MAPK8IP3: variants seen among roughly 807,000 people sequenced by gnomAD.
The protein encoded by MAPK8IP3 is mitogen-activated protein kinase 8 interacting protein 3.
A neutral mutation model predicts 157.8 loss-of-function variants in MAPK8IP3; 49 were observed. The observed-to-expected ratio is 0.31, with a 90% CI of 0.25 to 0.39. The LOEUF is 0.39. MAPK8IP3 is among the 10% of genes least tolerant of loss of function. The pLI, the probability that MAPK8IP3 is intolerant of heterozygous loss-of-function variation, is 1.00. For missense variants in MAPK8IP3, 1,478 were observed against 1,889.4 expected (o/e 0.78, Z 4.04); for synonymous variants, 897 against 777.7 (o/e 1.15, Z -2.55).
At chr16:1,750,627 C>G (rs2041235031) in intron 8 of MAPK8IP3, among the ~76,000 whole-genome samples, 1 of 150,842 alleles carries the variant, frequency 6.6e-6, no homozygotes, top group Non-Finnish European at 1.5e-5. Context: ...CCAGAGGGAA[C>G]CTCCCCACCA....
At chr16:1,760,677 A>C in intron 12 of MAPK8IP3, 145 bp downstream of exon 12, 2 of 1,025,142 alleles carry the variant, frequency 2.0e-6, no homozygotes, top group Non-Finnish European at 2.7e-6. Context: ...CAGCCACTCC[A>C]CCCCAACCAG....
At chr16:1,744,564 G>C in intron 5 of MAPK8IP3, 4 of 985,662 alleles carry the variant, frequency 4.1e-6, no homozygotes, top group Non-Finnish European at 4.8e-6. Context: ...TCTGGGCCCA[G>C]CCCTGCCACC....
At position 1,762,659 on chromosome 16, in the gene MAPK8IP3, G is replaced by A. The variant is rs201915207; in HGVS notation, c.1671-16G>A. 4 of 1,543,056 alleles carry A rather than the reference G, an allele frequency of 2.6e-6. No homozygotes were observed. Among genetic ancestry groups the A allele is most frequent in the Non-Finnish European group, 3.5e-6 (4 of 1,143,070 alleles). The stretch of plus-strand genomic sequence containing the variant: ...TGAGGGCACTAGCAGGTTGCTCCCT[G>A]TGCCCTCCCCTGCAGAGCGTCCCGA... On this transcript the variant is annotated splice_polypyrimidine_tract_variant and intron_variant, in intron 14 of 31. Transcript: ENST00000610761.
intron 5 of MAPK8IP3, 111 bp from the exon 6 acceptor site, chr16:1,746,918 G>A (rs2040996980): frequency 1.5e-6 from 2 of 1,337,576 alleles, no homozygotes; most frequent in African/African-American, 1.5e-5. Context: ...AGGGTGTCGG[G>A]CGAGGCAAAG....
intron 8 of MAPK8IP3, among the ~76,000 whole-genome samples, chr16:1,749,365 G>A (rs1043165754): frequency 2.0e-5 from 3 of 152,138 alleles, no homozygotes. Context: ...GGTTGGGAGG[G>A]TGCCCGCTTC....
Position 1,743,852 on chromosome 16 carries a change from C to T in MAPK8IP3, c.747+376C>T, listed in dbSNP as rs2141849372. Reference sequence around the variant, plus strand: ...TGCTCACCCGGGCTCCAGCCAGACACATCCTGCCCCTGAGAGCCACGCCTC... The same window carrying T: ...TGCTCACCCGGGCTCCAGCCAGACATATCCTGCCCCTGAGAGCCACGCCTC... On this transcript the variant is annotated intron_variant, in intron 5 of 31. Coordinates refer to ENST00000610761, the MANE Select transcript of MAPK8IP3 (RefSeq NM_001318852.2). This position sits in a 1 kb window ranked among gnomAD's most constrained non-coding sequence, Gnocchi z 5.6. 1 of 1,105,866 alleles carries T rather than the reference C, an allele frequency of 9.0e-7. No individual in the cohort carries two copies. The highest frequency in any genetic ancestry group is 1.1e-6 in the Non-Finnish European group (1 of 904,854). 68.5% of individuals were successfully genotyped at this position (1,105,866 alleles called of 1,614,324 possible). A position where few individuals can be genotyped will look rare whatever the true frequency, so the allele number is the denominator to read the frequency against.
Position 1,768,868 on chromosome 16 carries a change from C to T in MAPK8IP3, c.*44C>T. The T allele has an allele frequency of 6.3e-7, 1 of 1,598,750 alleles. No individual in the cohort carries two copies. The highest frequency in any genetic ancestry group is 1.1e-5 in the South Asian group (1 of 90,766). ...CCCGACCTGTACATAGGACCCCCGACCACCTGACCCCCGCCCGGCCCGCGG... is the reference window on the plus strand; with the variant it reads ...CCCGACCTGTACATAGGACCCCCGATCACCTGACCCCCGCCCGGCCCGCGG... On this transcript the variant is annotated 3_prime_UTR_variant, in exon 32 of 32. Coordinates refer to ENST00000610761, the MANE Select transcript of MAPK8IP3 (RefSeq NM_001318852.2).
intron 8 of MAPK8IP3, among the ~76,000 whole-genome samples, chr16:1,756,647 C>T (rs945754481): frequency 6.6e-6 from 1 of 151,352 alleles, no homozygotes; most frequent in East Asian, 1.9e-4. Context: ...CACACACACA[C>T]ACACACACAC....
chr16:1,768,788 C>T lies in MAPK8IP3; in HGVS notation c.3978C>T (p.His1326=), dbSNP rs1255929488. The T allele has an allele frequency of 6.2e-7, 1 of 1,612,688 alleles. No individual in the cohort carries two copies. The highest frequency in any genetic ancestry group is 8.5e-7 in the Non-Finnish European group (1 of 1,179,820). Residue 1326 remains histidine (H), a synonymous_variant, in exon 32 of 32, where the codon CAC becomes CAT. Coordinates refer to ENST00000610761, the MANE Select transcript of MAPK8IP3 (RefSeq NM_001318852.2). ...KPVLSKAERS[H]IIVWQVSYTP... ...TGCTGTCCAAGGCAGAGCGCAGTCACATCATCGTGTGGCAGGTGTCCTACA... is the reference window on the plus strand; with the variant it reads ...TGCTGTCCAAGGCAGAGCGCAGTCATATCATCGTGTGGCAGGTGTCCTACA...
intron 5 of MAPK8IP3, chr16:1,746,773 C>A: frequency 1.9e-6 from 1 of 535,230 alleles, no homozygotes; most frequent in South Asian, 2.5e-5. Context: ...AGTGGAAAGC[C>A]CCGTTCCAAG....
Position 1,729,567 on chromosome 16 carries a change from G to A in MAPK8IP3, c.591G>A (p.Leu197=), listed in dbSNP as rs774136044. ...GAAACAGCCAGACCGAGAGCAGCCT[G>A]CCGGGGCGGAGGTACGCGGGGCGCG... ...VGGNSQTESS[L]PGRSRKERPT... The change falls in exon 4 of 32, where the codon CTG becomes CTA. Residue 197 remains leucine (L), a synonymous_variant. Coordinates refer to ENST00000610761, the MANE Select transcript of MAPK8IP3 (RefSeq NM_001318852.2). The A allele has an allele frequency of 1.2e-6, 2 of 1,606,122 alleles. No homozygotes were observed. The highest frequency in any genetic ancestry group is 1.7e-5 in the Admixed American group (1 of 58,822).
intron 12 of MAPK8IP3, 55 bp downstream of exon 12, chr16:1,760,587 G>A: frequency 3.2e-6 from 5 of 1,564,736 alleles, no homozygotes; most frequent in Non-Finnish European, 4.3e-6. Context: ...TCAGGGCTCT[G>A]GAGTGGCTGC....
At chr16:1,767,111 C>G (rs1181158545) in intron 25 of MAPK8IP3, 38 bp from the exon 26 acceptor site, 1 of 1,608,808 alleles carries the variant, frequency 6.2e-7, no homozygotes, top group East Asian at 2.2e-5. Context: ...GAGGTGGGGC[C>G]TGGCCAGGCC....
Position 1,724,805 on chromosome 16 carries a change from T to C in MAPK8IP3, c.439+128T>C, listed in dbSNP as rs950123902. The C allele has an allele frequency of 2.0e-5, 25 of 1,259,578 alleles. No homozygotes were observed. The highest frequency in any genetic ancestry group is 2.6e-5 in the Non-Finnish European group (24 of 923,176). 78.0% of individuals were successfully genotyped at this position (1,259,578 alleles called of 1,614,324 possible). A position where few individuals can be genotyped will look rare whatever the true frequency, so the allele number is the denominator to read the frequency against. On this transcript the variant is annotated intron_variant, in intron 2 of 31. Coordinates refer to ENST00000610761, the MANE Select transcript of MAPK8IP3 (RefSeq NM_001318852.2). This position sits in a 1 kb window ranked among gnomAD's most constrained non-coding sequence, Gnocchi z 4.1. ...GGAAGCCCAGTGGGAGCCTCAGCCATGTATTCCAGCTCTTTGTACTGCTGC... is the reference window on the plus strand; with the variant it reads ...GGAAGCCCAGTGGGAGCCTCAGCCACGTATTCCAGCTCTTTGTACTGCTGC...
chr16:1,718,485 A>G (rs112699751), intron 1 of MAPK8IP3, among the ~76,000 whole-genome samples: 2,519 of 151,750 alleles, frequency 0.017, 75 homozygotes, highest in African/African-American at 0.058. Context: ...CGCCCGGCTA[A>G]TGATCTTTAA....
intron 4 of MAPK8IP3, among the ~76,000 whole-genome samples, chr16:1,736,586 G>A (rs1362246942): frequency 1.3e-5 from 1 of 78,618 alleles, no homozygotes; most frequent in Non-Finnish European, 2.5e-5. Context: ...GTGTGAGCGT[G>A]TGACCATCCA....
chr16:1,748,214 G>A (rs749954939), intron 6 of MAPK8IP3, 30 bp from the exon 7 acceptor site: 2 of 1,562,786 alleles, frequency 1.3e-6, no homozygotes, highest in Non-Finnish European at 1.8e-6. Flanking sequence ...ACCCTCTCCT[G>A]ACCCCAGGTG....
rs2040821294 is a variant in MAPK8IP3, at chr16:1,743,873, G to A, written c.747+397G>A. On this transcript the variant is annotated intron_variant, in intron 5 of 31. Transcript: ENST00000610761. The surrounding 1 kb of genome is among the most constrained non-coding windows in gnomAD (Gnocchi z 5.6). The stretch of plus-strand genomic sequence containing the variant: ...GACACATCCTGCCCCTGAGAGCCAC[G>A]CCTCTACTCTCGGAGGAACGTCAGT... The A allele has an allele frequency of 4.6e-6, 5 of 1,079,736 alleles. No homozygotes were observed. Among genetic ancestry groups the A allele is most frequent in the Non-Finnish European group, 4.5e-6 (4 of 888,878 alleles). 66.9% of individuals were successfully genotyped at this position (1,079,736 alleles called of 1,614,324 possible). A position where few individuals can be genotyped will look rare whatever the true frequency, so the allele number is the denominator to read the frequency against.
rs935307631 is a variant in MAPK8IP3 at position 1,769,030 on chromosome 16, G to A, written c.*206G>A. The A allele has an allele frequency of 2.8e-5, 17 of 613,412 alleles. No individual in the cohort carries two copies. Among genetic ancestry groups the A allele is most frequent in the East Asian group, 5.7e-5 (2 of 35,390 alleles). The allele number at this position is 613,412 out of a possible 1,614,324, so 38.0% of individuals were successfully genotyped here. A position where few individuals can be genotyped will look rare whatever the true frequency, so the allele number is the denominator to read the frequency against. On this transcript the variant is annotated 3_prime_UTR_variant, in exon 32 of 32. Coordinates refer to ENST00000610761, the MANE Select transcript of MAPK8IP3 (RefSeq NM_001318852.2). Reference sequence around the variant, plus strand: ...GAGGAGGGGAGGGGAACTTCCACCCGAGGGGAAGATGCTCTCGGGACAGTT... The same window carrying A: ...GAGGAGGGGAGGGGAACTTCCACCCAAGGGGAAGATGCTCTCGGGACAGTT...
Sources: gnomAD v4.1 joint callset for allele counts (sites outside exome capture counted in the v4.1 genomes callset) on GRCh38, gnomAD v4.1.1 for gene constraint, Gnocchi (gnomAD v3.1) non-coding constraint, MANE v1.5 for transcripts, NCBI Gene and HGNC (gene_info 2026-07-23, HGNC 2026-07-21) for gene names.